The following SENP2 variants were observed in gnomAD, a reference collection of about 807,000 sequenced individuals.
SENP2 encodes the protein SUMO specific peptidase 2.
In SENP2, 16 loss-of-function variants were observed where a neutral mutation model predicts 86.3. The observed-to-expected ratio is 0.19, with a 90% CI of 0.13 to 0.28. SENP2 has a LOEUF of 0.28. Ranked by LOEUF, SENP2 falls within the 10% of genes least tolerant of loss-of-function variation. SENP2 has a pLI of 1.00. For synonymous variants in SENP2, 222 were observed against 238.7 expected (o/e 0.93, Z 0.64); for missense variants, 552 against 703.0 (o/e 0.79, Z 2.43).
chr3:185,586,336 C>T lies in SENP2; in HGVS notation c.-78C>T. On this transcript the variant is annotated 5_prime_UTR_variant, in exon 1 of 17. Transcript: ENST00000296257. The surrounding 1 kb of genome is among the most constrained non-coding windows in gnomAD (Gnocchi z 4.3). ...ACTCTGGCGGTGGTGGTTAAGACGG[C>T]GAAGGCGGCAGCGGCGGCGACAGCT... is the stretch of plus-strand genomic sequence containing the variant. 6.3e-7 allele frequency: 1 copy of T among 1,594,494 alleles called. No homozygotes were observed. Among genetic ancestry groups the T allele is most frequent in the Non-Finnish European group, 8.5e-7 (1 of 1,170,694 alleles).
rs773117447 is a variant in SENP2, at chr3:185,609,336, T to C, written c.708T>C (p.Thr236=). 4 of 1,610,990 alleles carry C rather than the reference T, an allele frequency of 2.5e-6. No individual in the cohort carries two copies. The highest frequency in any genetic ancestry group is 3.4e-6 in the Non-Finnish European group (4 of 1,177,386). The change falls in exon 7 of 17, where the codon ACT becomes ACC. Residue 236 remains threonine (T), a synonymous_variant. Coordinates refer to ENST00000296257, the MANE Select transcript of SENP2 (RefSeq NM_021627.3). ...SGHGNSVCPV[T]SNYHSSQRSQ... is the part of the protein sequence containing the mutation. ...ATGGAAACTCTGTCTGTCCTGTAAC[T>C]TCAAATTATCACAGGTGACAGTGAG...
At chr3:185,625,891 G>A (rs930240783) in intron 15 of SENP2, among the ~76,000 whole-genome samples, 3 of 152,164 alleles carry the variant, frequency 2.0e-5, no homozygotes, top group African/African-American at 7.2e-5. Flanking sequence ...TGGAATGGGA[G>A]CTGAGAGATG....
chr3:185,621,953 C>T lies in SENP2; in HGVS notation c.1526+48C>T, dbSNP rs776879979. Reference sequence around the variant, plus strand: ...ACTACCCCCTGTTGAGGTGATCTCTCTTTTATCTCATCCTAGGAAGCTGTG... The same window carrying T: ...ACTACCCCCTGTTGAGGTGATCTCTTTTTTATCTCATCCTAGGAAGCTGTG... On this transcript the variant is annotated intron_variant, in intron 14 of 16. Transcript: ENST00000296257. The T allele has an allele frequency of 4.1e-6, 5 of 1,226,632 alleles. No individual in the cohort carries two copies. In the African/African-American group the frequency reaches 6.0e-5, roughly 15 times the overall value. 76.0% of individuals were successfully genotyped at this position (1,226,632 alleles called of 1,614,324 possible). A position where few individuals can be genotyped will look rare whatever the true frequency, so the allele number is the denominator to read the frequency against.
At chr3:185,591,659 T>C (rs1206017494) in intron 2 of SENP2, among the ~76,000 whole-genome samples, 2 of 152,114 alleles carry the variant, frequency 1.3e-5, no homozygotes, top group Admixed American at 6.5e-5. Flanking sequence ...CCCTACTTAT[T>C]TTTAAGGAGG....
chr3:185,615,919 GTGGCACAATCTCAGCTTACTGCAA>G (rs1711580204), intron 11 of SENP2, among the ~76,000 whole-genome samples: 1 of 151,676 alleles, frequency 6.6e-6, no homozygotes, highest in African/African-American at 2.4e-5. Context: ...CTGGAGTGCA[GTGGCACAATCTCAGCTTACTGCAA>G]CCTCTGCCTC....
intron 6 of SENP2, among the ~76,000 whole-genome samples, chr3:185,607,232 A>G (rs993641479): frequency 4.0e-5 from 6 of 151,858 alleles, no homozygotes; most frequent in Non-Finnish European, 8.8e-5. Context: ...TATTCTATAT[A>G]CATATAATTT....
intron 15 of SENP2, among the ~76,000 whole-genome samples, chr3:185,625,491 G>A (rs1242036624): frequency 6.6e-6 from 1 of 152,052 alleles, no homozygotes; most frequent in African/African-American, 2.4e-5. Context: ...GTGTTTTCCA[G>A]CAATAACTTG....
At chr3:185,622,631 T>TA (rs1273046700) in intron 14 of SENP2, among the ~76,000 whole-genome samples, 3 of 152,086 alleles carry the variant, frequency 2.0e-5, no homozygotes, top group Non-Finnish European at 4.4e-5. Context: ...CACCAATTGT[T>TA]TATAAAATGG....
chr3:185,594,053 G>T (rs1044991356), intron 2 of SENP2, among the ~76,000 whole-genome samples: 2 of 151,708 alleles, frequency 1.3e-5, no homozygotes, highest in Admixed American at 1.3e-4. Context: ...TATAAGGCAG[G>T]TGATGTTGGC....
chr3:185,624,209 C>G, intron 15 of SENP2, 127 bp downstream of exon 15: 1 of 571,176 alleles, frequency 1.8e-6, no homozygotes, highest in Non-Finnish European at 3.0e-6. Flanking sequence ...CTTTTTTTTT[C>G]TTTCTTTCTT....
At chr3:185,618,082 T>A (rs913577619) in intron 12 of SENP2, among the ~76,000 whole-genome samples, 3 of 152,150 alleles carry the variant, frequency 2.0e-5, no homozygotes, top group Non-Finnish European at 4.4e-5. Flanking sequence ...GTAGCTGGGA[T>A]TACAGGCATG....
intron 4 of SENP2, 82 bp downstream of exon 4, chr3:185,599,106 A>G (rs1426107267): frequency 2.0e-6 from 2 of 983,126 alleles, no homozygotes; most frequent in African/African-American, 3.2e-5. Context: ...ATGAAAGGAA[A>G]ACACTGATTT....
intron 1 of SENP2, among the ~76,000 whole-genome samples, chr3:185,587,675 TC>T (rs1436242524): frequency 6.9e-6 from 1 of 144,856 alleles, no homozygotes; most frequent in African/African-American, 2.6e-5. Context: ...CACGCCATTC[TC>T]CTGCCTCAGC....
rs1712345513 is a variant in SENP2 at position 185,630,076 on chromosome 3, C to T, written c.*232C>T. The stretch of plus-strand genomic sequence containing the variant: ...CTGCTCAGAGCTTTGGACTGTTCAA[C>T]CCACACAAGAACAAACGCTAACTAA... On this transcript the variant is annotated 3_prime_UTR_variant, in exon 17 of 17. Transcript: ENST00000296257. The T allele has an allele frequency of 6.7e-6, 3 of 446,394 alleles. No individual in the cohort carries two copies. The highest frequency in any genetic ancestry group is 9.5e-5 in the South Asian group (2 of 21,042). 27.7% of individuals were successfully genotyped at this position (446,394 alleles called of 1,614,324 possible).
rs755241278 is a variant in SENP2, at chr3:185,617,462, C to G, written c.1111-18C>G. 1 of 1,592,070 alleles carries G rather than the reference C, an allele frequency of 6.3e-7. No homozygotes were observed. Among genetic ancestry groups the G allele is most frequent in the South Asian group, 1.2e-5 (1 of 86,740 alleles). ...TGGTTCTATATTAAAATAGCAACTT[C>G]TGAACTTTCTAATTCAGGACATGGA... is the stretch of plus-strand genomic sequence containing the variant. On this transcript the variant is annotated intron_variant, in intron 11 of 16. Transcript: ENST00000296257.
rs1721796499 is a variant in SENP2, at chr3:185,586,724, T to G, written c.101+210T>G. Among the ~76,000 whole-genome samples the G allele has an allele frequency of 6.6e-6, 1 of 152,244 alleles. No individual in the cohort carries two copies. On this transcript the variant is annotated intron_variant, in intron 1 of 16. Coordinates refer to ENST00000296257, the MANE Select transcript of SENP2 (RefSeq NM_021627.3). This position sits in a 1 kb window ranked among gnomAD's most constrained non-coding sequence, Gnocchi z 4.3. ...CGTAGCGGCCGGTGATGGCAGGGTC[T>G]TTGACATTCTTGTCAGAGGCCAAGC... is the stretch of plus-strand genomic sequence containing the variant.
At chr3:185,621,371 GTTTTTCTTTTTTTTCTTTTTTTT>G (rs1711874208) in intron 13 of SENP2, among the ~76,000 whole-genome samples, 1 of 123,964 alleles carries the variant, frequency 8.1e-6, no homozygotes, top group Non-Finnish European at 1.7e-5. Flanking sequence ...AGTGGATATC[GTTTTTCTTTTTTTTCTTTTTTTT>G]TTTTTTTTTT....
At chr3:185,597,710 AT>A (rs1722219546) in intron 2 of SENP2, among the ~76,000 whole-genome samples, 1 of 143,352 alleles carries the variant, frequency 7.0e-6, no homozygotes, top group Non-Finnish European at 1.5e-5. Context: ...CTGGAGTGTA[AT>A]GGCGCGATCT....
intron 12 of SENP2, 45 bp from the exon 13 acceptor site, chr3:185,619,254 A>G: frequency 1.5e-6 from 2 of 1,374,072 alleles, no homozygotes; most frequent in Non-Finnish European, 1.0e-6. Flanking sequence ...AGTTTTGATA[A>G]TATGTTTGCC....
Sources: allele counts gnomAD v4.1 joint callset (sites outside exome capture counted in the v4.1 genomes callset), GRCh38; gene constraint gnomAD v4.1.1; non-coding constraint Gnocchi (gnomAD v3.1); transcripts MANE v1.5; gene names NCBI Gene and HGNC (gene_info 2026-07-23, HGNC 2026-07-21).